Variants in CCDC169 observed in about 807,000 individuals in gnomAD.
CCDC169 encodes coiled-coil domain-containing protein 169.
Under a neutral mutation model 36.0 loss-of-function variants are expected in CCDC169, and 30 were observed. The observed-to-expected ratio is 0.83, with a 90% CI of 0.62 to 1.13. The LOEUF (loss-of-function observed/expected upper bound fraction) is 1.13. Ranked by LOEUF, CCDC169 falls within the 50% of genes most tolerant of loss-of-function variation. The pLI, the probability that CCDC169 is intolerant of heterozygous loss-of-function variation, is 0.00. For missense variants in CCDC169, 245 were observed against 245.9 expected, an observed-to-expected ratio of 1.00 and a Z score of 0.03; for synonymous variants, 85 against 81.5, an observed-to-expected ratio of 1.04 and a Z score of -0.23.
rs746283883 is a variant in CCDC169, at chr13:36,230,850, A to G, written c.*343T>C. ...AATGGCAAAAAGGTTTTATGAATAC[A>G]CACTTTTTGCTAACAGTCAACTAGA... On this transcript the variant is annotated 3_prime_UTR_variant, in exon 8 of 8. Transcript: ENST00000239859. 15 of 1,000,238 alleles carry G rather than the reference A, an allele frequency of 1.5e-5. No homozygotes were observed. Among genetic ancestry groups the G allele is most frequent in the Non-Finnish European group, 1.8e-5 (15 of 840,390 alleles). The allele number at this position is 1,000,238 out of a possible 1,614,324, so 62.0% of individuals were successfully genotyped here.
chr13:36,265,509 C>T (rs1875163996), intron 4 of CCDC169, among the ~76,000 whole-genome samples: 1 of 152,192 alleles, frequency 6.6e-6, no homozygotes, highest in African/African-American at 2.4e-5. Flanking sequence ...TCTGCAGTAG[C>T]CTACAGTTTT....
At chr13:36,265,578 T>C (rs1566076958) in intron 4 of CCDC169, among the ~76,000 whole-genome samples, 1 of 152,220 alleles carries the variant, frequency 6.6e-6, no homozygotes, top group Non-Finnish European at 1.5e-5. Context: ...GAGAGCTATG[T>C]TAGGCAGCAG....
intron 4 of CCDC169, among the ~76,000 whole-genome samples, chr13:36,273,469 G>A (rs1228575912): frequency 1.3e-5 from 2 of 152,066 alleles, no homozygotes; most frequent in Non-Finnish European, 2.9e-5. Flanking sequence ...AATATCCTGA[G>A]GCCCCACACA....
At chr13:36,233,412 A>G (rs932602882) in intron 7 of CCDC169, among the ~76,000 whole-genome samples, 11 of 152,168 alleles carry the variant, frequency 7.2e-5, no homozygotes, top group Non-Finnish European at 1.5e-5. Context: ...ACAATATATG[A>G]GAAGAGACAA....
Position 36,253,895 on chromosome 13 carries a change from G to A in CCDC169, c.415-39C>T, listed in dbSNP as rs1394839821. ...CAAAAGCAAAGGGTCCAACATATGA[G>A]AAGATTAGCAATACTAGCAAGACTA... On this transcript the variant is annotated intron_variant, in intron 5 of 7. Coordinates refer to ENST00000239859, the MANE Select transcript of CCDC169 (RefSeq NM_001144981.3). The A allele has an allele frequency of 2.6e-6, 4 of 1,546,610 alleles. No individual in the cohort carries two copies. In the East Asian group the frequency reaches 9.8e-5, roughly 38 times the overall value.
intron 4 of CCDC169, among the ~76,000 whole-genome samples, chr13:36,257,177 A>G (rs1300339829): frequency 6.6e-6 from 1 of 152,210 alleles, no homozygotes; most frequent in Non-Finnish European, 1.5e-5. Flanking sequence ...AGAAAGTGAC[A>G]TTACTTATGC....
At chr13:36,244,921 T>G (rs990132668) in intron 7 of CCDC169, among the ~76,000 whole-genome samples, 2 of 152,146 alleles carry the variant, frequency 1.3e-5, no homozygotes, top group African/African-American at 4.8e-5. Context: ...ATACTTAAAC[T>G]ACATTATATT....
intron 7 of CCDC169, among the ~76,000 whole-genome samples, chr13:36,239,212 G>T (rs1452095305): frequency 6.7e-6 from 1 of 150,144 alleles, no homozygotes; most frequent in African/African-American, 2.5e-5. Flanking sequence ...CACTGTAGCT[G>T]GGGCAACAGC....
chr13:36,270,702 G>A (rs963125401), intron 4 of CCDC169, among the ~76,000 whole-genome samples: 1 of 152,108 alleles, frequency 6.6e-6, no homozygotes, highest in Non-Finnish European at 1.5e-5. Context: ...ATGGTGCAGG[G>A]AAAACTAGCA....
chr13:36,254,131 T>C lies in CCDC169; in HGVS notation c.328A>G (p.Thr110Ala). The stretch of plus-strand genomic sequence containing the variant: ...TCTTCTTCTAGCTGTTTAAGTAATG[T>C]GTTTAAGGATTCCTAAAAATATAAA... ...YERMPVESLN[T>A]LLKQLEEEKK... is the part of the protein sequence containing the mutation. Residue 110 changes from threonine to alanine, a missense_variant, in exon 5 of 8, where the codon ACA becomes GCA. Thr to Ala is a moderately conservative substitution (Grantham distance 58). Transcript: ENST00000239859. The C allele has an allele frequency of 6.6e-7, 1 of 1,519,772 alleles. No individual in the cohort carries two copies. The highest frequency in any genetic ancestry group is 8.8e-7 in the Non-Finnish European group (1 of 1,137,074). The allele number at this position is 1,519,772 out of a possible 1,614,324, so 94.1% of individuals were successfully genotyped here. A position where few individuals can be genotyped will look rare whatever the true frequency, so the allele number is the denominator to read the frequency against.
intron 4 of CCDC169, chr13:36,282,554 GTTTATAC>G (rs1566086927): frequency 2.0e-6 from 2 of 985,016 alleles, no homozygotes; most frequent in Non-Finnish European, 2.4e-6. Context: ...GACCAGTTCT[GTTTATAC>G]TGAACTTTCA....
At chr13:36,254,944 T>G (rs1274287968) in intron 4 of CCDC169, among the ~76,000 whole-genome samples, 1 of 152,154 alleles carries the variant, frequency 6.6e-6, no homozygotes, top group East Asian at 1.9e-4. Context: ...GCCCTGGCAC[T>G]TCCAGGTTCC....
At chr13:36,262,921 A>G (rs1459809203) in intron 4 of CCDC169, among the ~76,000 whole-genome samples, 3 of 152,182 alleles carry the variant, frequency 2.0e-5, no homozygotes, top group Non-Finnish European at 2.9e-5. Flanking sequence ...CTCTTTTGGT[A>G]TAAAGCATAT....
At chr13:36,283,803 G>C in intron 2 of CCDC169, 101 bp from the exon 3 acceptor site, 1 of 879,320 alleles carries the variant, frequency 1.1e-6, no homozygotes, top group South Asian at 1.7e-5. Flanking sequence ...TACTATATTT[G>C]ACTTTATTGG....
chr13:36,257,638 GGTTGTAGT>G (rs1430996308), intron 4 of CCDC169, among the ~76,000 whole-genome samples: 10 of 151,860 alleles, frequency 6.6e-5, no homozygotes, highest in Non-Finnish European at 1.5e-4. Flanking sequence ...GGGAGGCGGG[GGTTGTAGT>G]GAGCCAAGAT....
intron 6 of CCDC169, among the ~76,000 whole-genome samples, chr13:36,253,360 ATGGAGTCTTGCTCTATCAGCCAGGC>A (rs60161926): frequency 0.59 from 88,336 of 149,172 alleles, 26,906 homozygotes; most frequent in African/African-American, 0.73. Flanking sequence ...TTTTTCTGAG[ATGGAGTCTTGCTCTATCAGCCAGGC>A]TGGAGTGCAG....
At chr13:36,242,121 C>A (rs919468355) in intron 7 of CCDC169, among the ~76,000 whole-genome samples, 5 of 152,194 alleles carry the variant, frequency 3.3e-5, no homozygotes, top group Non-Finnish European at 7.3e-5. Flanking sequence ...AATTAAACTT[C>A]TTTTCTTCAT....
At chr13:36,253,481 C>T (rs1324583013) in intron 6 of CCDC169, among the ~76,000 whole-genome samples, 1 of 151,782 alleles carries the variant, frequency 6.6e-6, no homozygotes, top group African/African-American at 2.4e-5. Context: ...GGACTACAGG[C>T]GCCCACCACC....
chr13:36,283,076 C>G (rs77689264), intron 4 of CCDC169: 2,458 of 190,574 alleles, frequency 0.013, 69 homozygotes, highest in African/African-American at 0.055. Flanking sequence ...AACAATTTTT[C>G]GAGTTAGAAA....
Sources: gnomAD v4.1 joint callset for allele counts (sites outside exome capture counted in the v4.1 genomes callset) on GRCh38, gnomAD v4.1.1 for gene constraint, MANE v1.5 for transcripts, NCBI Gene and HGNC (gene_info 2026-07-23, HGNC 2026-07-21) for gene names.